CPA6: variants seen among roughly 807,000 people sequenced by gnomAD.
CPA6 encodes carboxypeptidase B.
Under a neutral mutation model 63.3 loss-of-function variants are expected in CPA6, and 58 were observed. The observed-to-expected ratio is 0.92, with a 90% CI of 0.74 to 1.14. The LOEUF is 1.14. Among genes scored for constraint, CPA6 ranks in the 50% most tolerant of loss-of-function variants. The pLI, the probability that CPA6 is intolerant of heterozygous loss-of-function variation, is 0.00. For missense variants in CPA6, 565 were observed against 526.6 expected, an observed-to-expected ratio of 1.07 and a Z score of -0.71; for synonymous variants, 185 against 179.0, an observed-to-expected ratio of 1.03 and a Z score of -0.27.
chr8:67,537,176 C>A (rs1006394803), intron 2 of CPA6, among the ~76,000 whole-genome samples: 5 of 152,028 alleles, frequency 3.3e-5, no homozygotes, highest in African/African-American at 1.2e-4. Context: ...TGTGACTCTG[C>A]CAGGTTTTGG....
chr8:67,464,058 G>A (rs1477665591), intron 8 of CPA6, among the ~76,000 whole-genome samples: 2 of 152,148 alleles, frequency 1.3e-5, no homozygotes, highest in Non-Finnish European at 2.9e-5. Flanking sequence ...TGGGTCAAAT[G>A]CTAGTTCTAA....
intron 2 of CPA6, among the ~76,000 whole-genome samples, chr8:67,536,118 G>A (rs1235114533): frequency 6.6e-6 from 1 of 152,134 alleles, no homozygotes; most frequent in East Asian, 1.9e-4. Context: ...ATGGTTTGAA[G>A]TCAGGTAGCG....
chr8:67,690,516 A>G (rs529698189), intron 1 of CPA6, among the ~76,000 whole-genome samples: 2 of 152,312 alleles, frequency 1.3e-5, no homozygotes, highest in East Asian at 1.9e-4. Context: ...GTTCTAAGGT[A>G]TGTTATTTAA....
rs76454833 is a variant in CPA6, at chr8:67,577,747, C to T, written c.192+46429G>A. ...ACTCACTCCCAGGAGAAATAAATGT[C>T]ATTTAAATAATATGAATGAAGAGTA... is the stretch of plus-strand genomic sequence containing the variant. On this transcript the variant is annotated intron_variant, in intron 2 of 10. Transcript: ENST00000297770. Among the ~76,000 whole-genome samples the T allele has an allele frequency of 2.9e-3, 435 of 152,244 alleles. 3 individuals carry two copies. The highest frequency in any genetic ancestry group is 0.01 in the African/African-American group (416 of 41,548).
At chr8:67,488,456 C>A (rs1478990845) in intron 6 of CPA6, among the ~76,000 whole-genome samples, 3 of 152,138 alleles carry the variant, frequency 2.0e-5, no homozygotes, top group Non-Finnish European at 4.4e-5. Context: ...GTTACTGTAG[C>A]CTTGTAGTAC....
intron 1 of CPA6, among the ~76,000 whole-genome samples, chr8:67,743,628 C>T (rs1817952794): frequency 6.6e-6 from 1 of 151,256 alleles, no homozygotes; most frequent in African/African-American, 2.4e-5. Flanking sequence ...CTACCCATCC[C>T]AAGGCAATTT....
intron 8 of CPA6, among the ~76,000 whole-genome samples, chr8:67,463,699 A>C (rs1442314942): frequency 2.0e-5 from 3 of 152,046 alleles, no homozygotes; most frequent in Non-Finnish European, 2.9e-5. Context: ...TAGTTGTTTC[A>C]ATTTCTATTG....
chr8:67,522,979 T>C (rs1453496507), intron 2 of CPA6, among the ~76,000 whole-genome samples: 1 of 152,204 alleles, frequency 6.6e-6, no homozygotes, highest in Non-Finnish European at 1.5e-5. Context: ...AATCCTATAA[T>C]AGTAGTAGTT....
chr8:67,646,793 C>A (rs920941617), intron 1 of CPA6, among the ~76,000 whole-genome samples: 4 of 152,106 alleles, frequency 2.6e-5, no homozygotes, highest in Non-Finnish European at 5.9e-5. Flanking sequence ...AAAGGAAACA[C>A]AAGCGCAAAG....
intron 8 of CPA6, among the ~76,000 whole-genome samples, chr8:67,450,035 C>T (rs1444494817): frequency 1.3e-5 from 2 of 151,838 alleles, no homozygotes; most frequent in Non-Finnish European, 2.9e-5. Flanking sequence ...AGGCTGGTCT[C>T]GAACTCCTGA....
intron 2 of CPA6, among the ~76,000 whole-genome samples, chr8:67,596,404 G>T (rs996030157): frequency 2.6e-5 from 4 of 152,150 alleles, no homozygotes; most frequent in African/African-American, 9.7e-5. Context: ...TAGCTGTTAA[G>T]CTGCTTGTTT....
chr8:67,606,390 G>A (rs1814638869), intron 2 of CPA6, among the ~76,000 whole-genome samples: 1 of 151,898 alleles, frequency 6.6e-6, no homozygotes, highest in Non-Finnish European at 1.5e-5. Flanking sequence ...TTGATGACTA[G>A]TCACTATGCT....
At chr8:67,646,595 T>C (rs1046391355) in intron 1 of CPA6, among the ~76,000 whole-genome samples, 1 of 152,192 alleles carries the variant, frequency 6.6e-6, no homozygotes, top group Non-Finnish European at 1.5e-5. Flanking sequence ...ATAACAATTA[T>C]AACATCATTT....
intron 10 of CPA6, among the ~76,000 whole-genome samples, chr8:67,423,797 C>T (rs1311630527): frequency 2.6e-5 from 4 of 152,188 alleles, no homozygotes. Context: ...GTTACACTGT[C>T]CCCACTACTC....
At chr8:67,607,404 C>T (rs1814694331) in intron 2 of CPA6, among the ~76,000 whole-genome samples, 1 of 151,926 alleles carries the variant, frequency 6.6e-6, no homozygotes, top group South Asian at 2.1e-4. Flanking sequence ...CTCCCTTAAT[C>T]TAAGCTACTT....
rs1396796506 is a variant in CPA6 at position 67,538,413 on chromosome 8, T to G, written c.193-20366A>C. ...ATTTAGGATATTTAGCTCTTCTTGTTGTATTGATCCCTTTATCATTACGTG... is the reference window on the plus strand; with the variant it reads ...ATTTAGGATATTTAGCTCTTCTTGTGGTATTGATCCCTTTATCATTACGTG... On this transcript the variant is annotated intron_variant, in intron 2 of 10. Transcript: ENST00000297770. 2.6e-5 allele frequency among the ~76,000 whole-genome samples: 4 copies of G among 152,298 alleles called. No individual in the cohort carries two copies. The East Asian group carries it at 7.7e-4, about 29-fold the overall frequency.
chr8:67,651,611 T>A (rs1815839431), intron 1 of CPA6, among the ~76,000 whole-genome samples: 1 of 152,176 alleles, frequency 6.6e-6, no homozygotes, highest in African/African-American at 2.4e-5. Flanking sequence ...GTATTCTCTT[T>A]GCTGTATAAT....
At chr8:67,498,832 T>A (rs1223343834) in intron 6 of CPA6, among the ~76,000 whole-genome samples, 1 of 152,090 alleles carries the variant, frequency 6.6e-6, no homozygotes, top group Admixed American at 6.6e-5. Flanking sequence ...ATTAAAAAAA[T>A]TTGTGCTATG....
intron 9 of CPA6, 73 bp from the exon 10 acceptor site, chr8:67,428,204 G>A (rs1038601100): frequency 1.3e-5 from 11 of 814,926 alleles, no homozygotes; most frequent in Non-Finnish European, 2.3e-5. Context: ...TGTTGTTTGA[G>A]CCTCATCGAT....
Sources: allele counts gnomAD v4.1 joint callset (sites outside exome capture counted in the v4.1 genomes callset), GRCh38; gene constraint gnomAD v4.1.1; transcripts MANE v1.5; gene names NCBI Gene and HGNC (gene_info 2026-07-23, HGNC 2026-07-21).